Variants in LARGE1 observed in about 807,000 individuals in gnomAD.
LARGE1 encodes xylosyl- and glucuronyltransferase LARGE1.
Under a neutral mutation model 87.6 loss-of-function variants are expected in LARGE1, and 43 were observed. The ratio of observed to expected loss-of-function variants is 0.49; its 90% CI spans 0.38 to 0.63. LARGE1 has a LOEUF of 0.63. LARGE1 is among the 30% of genes least tolerant of loss of function. The probability of loss-of-function intolerance (pLI) is 0.00; values close to 1 mark genes in which losing one functional copy is unlikely to be tolerated. For synonymous variants in LARGE1, 434 were observed against 394.6 expected, an observed-to-expected ratio of 1.10 and a Z score of -1.18; for missense variants, 802 against 1,000.2, an observed-to-expected ratio of 0.80 and a Z score of 2.67.
chr22:33,600,745 C>T (rs559587242), intron 5 of LARGE1, among the ~76,000 whole-genome samples: 23 of 152,234 alleles, frequency 1.5e-4, no homozygotes, highest in Non-Finnish European at 2.5e-4. Flanking sequence ...AGATGTGACT[C>T]GGTTAAGAAC....
chr22:33,253,569 G>C (rs1443151205), intron 11 of LARGE1, among the ~76,000 whole-genome samples: 1 of 152,204 alleles, frequency 6.6e-6, no homozygotes, highest in Non-Finnish European at 1.5e-5. Flanking sequence ...AACATTAGCT[G>C]GGTGTGGTGG....
chr22:33,127,839 A>G, the LARGE1 span, among the ~76,000 whole-genome samples: 7 of 152,218 alleles, frequency 4.6e-5, no homozygotes, highest in South Asian at 2.1e-4. Context: ...TCCTAGAGTC[A>G]TAGAGTGAGA....
In LARGE1 at chr22:33,576,993, T is replaced by C. The variant is rs542292414; in HGVS notation, c.616-11974A>G. 3.9e-4 allele frequency among the ~76,000 whole-genome samples: 59 copies of C among 152,316 alleles called. 2 individuals are homozygous for C. The highest frequency in any genetic ancestry group is 2.9e-3 in the South Asian group (14 of 4,826). On this transcript the variant is annotated intron_variant, in intron 5 of 14. Coordinates refer to ENST00000397394, the MANE Select transcript of LARGE1 (RefSeq NM_133642.5). ...CCCAAGAATACAGAACCCACAGATA[T>C]AGATAGGTGACTATGTATGCGTGGT...
the LARGE1 span, among the ~76,000 whole-genome samples, chr22:33,124,228 G>A: frequency 2.6e-5 from 4 of 151,880 alleles, no homozygotes; most frequent in Non-Finnish European, 4.4e-5. Flanking sequence ...TCCAGGAGGC[G>A]GAGGTTGCAG....
At chr22:33,664,173 C>T (rs1422923936) in intron 2 of LARGE1, among the ~76,000 whole-genome samples, 6 of 152,198 alleles carry the variant, frequency 3.9e-5, no homozygotes, top group Admixed American at 2.6e-4. Flanking sequence ...GTGTATACAC[C>T]GTGGCCATTC....
the LARGE1 span, among the ~76,000 whole-genome samples, chr22:33,085,655 A>G: frequency 6.6e-6 from 1 of 152,228 alleles, no homozygotes; most frequent in Non-Finnish European, 1.5e-5. Context: ...GTCAATTACA[A>G]TCTTCTGCAT....
chr22:33,700,891 G>A (rs1603200657), intron 2 of LARGE1, among the ~76,000 whole-genome samples: 1 of 152,224 alleles, frequency 6.6e-6, no homozygotes, highest in African/African-American at 2.4e-5. Context: ...GAGACCTGGA[G>A]GGACAGGAGG....
intron 6 of LARGE1, among the ~76,000 whole-genome samples, chr22:33,443,086 C>T (rs1000599030): frequency 6.6e-5 from 10 of 152,148 alleles, no homozygotes; most frequent in African/African-American, 2.4e-4. Context: ...GCCACTGCAC[C>T]CAGCCATTGA....
At chr22:33,240,442 T>G (rs1162508601) in intron 11 of LARGE1, among the ~76,000 whole-genome samples, 3 of 152,214 alleles carry the variant, frequency 2.0e-5, no homozygotes, top group African/African-American at 7.2e-5. Flanking sequence ...CTACTTTCCT[T>G]GCTCCTTTGA....
At chr22:33,104,640 C>G in the LARGE1 span, among the ~76,000 whole-genome samples, 1 of 152,354 alleles carries the variant, frequency 6.6e-6, no homozygotes, top group Non-Finnish European at 1.5e-5. Context: ...CTGATCCCAT[C>G]TATCTTCCCT....
At chr22:33,124,973 TG>T in the LARGE1 span, among the ~76,000 whole-genome samples, 4 of 152,150 alleles carry the variant, frequency 2.6e-5, no homozygotes, top group Non-Finnish European at 4.4e-5. Context: ...TAACAACATA[TG>T]GGTGGTTTGC....
intron 6 of LARGE1, among the ~76,000 whole-genome samples, chr22:33,515,461 G>T (rs538948158): frequency 1.3e-5 from 2 of 152,288 alleles, no homozygotes; most frequent in South Asian, 4.1e-4. Context: ...GGGCCTGTTA[G>T]CGTACCTGAC....
chr22:33,189,258 T>C (rs1464430670), intron 11 of LARGE1, among the ~76,000 whole-genome samples: 1 of 152,174 alleles, frequency 6.6e-6, no homozygotes, highest in African/African-American at 2.4e-5. Context: ...ATGCATACAA[T>C]GCTGGCTTTG....
Position 33,650,591 on chromosome 22 carries a change from G to C in LARGE1, c.184C>G (p.Arg62Gly), listed in dbSNP as rs770461313. The C allele has an allele frequency of 1.2e-6, 2 of 1,605,192 alleles. No individual in the cohort carries two copies. Among genetic ancestry groups the C allele is most frequent in the Admixed American group, 1.7e-5 (1 of 60,008 alleles). Residue 62 changes from arginine to glycine, a missense_variant, in exon 3 of 15, where the codon CGC (arginine) becomes GGC (glycine). By Grantham distance (125) the Arg-to-Gly change is moderately radical. Coordinates refer to ENST00000397394, the MANE Select transcript of LARGE1 (RefSeq NM_133642.5). ...CGCATGCGCACCTCCAGGCTCTCGC[G>C]CTCCCGCTGGCTGGAGGCCGTGTAC... ...PRYTASSQRERESLEVRMREV... is the reference protein window; with the variant it reads ...PRYTASSQREGESLEVRMREV...
rs1186663464 is a variant in LARGE1 at position 33,878,129 on chromosome 22, CTTTTTT to C, written c.-83+41860_-83+41865del. On this transcript the variant is annotated intron_variant, in intron 1 of 14. Coordinates refer to ENST00000397394, the MANE Select transcript of LARGE1 (RefSeq NM_133642.5). ...TATGTATGTTGTTTATATTGTATTT[CTTTTTT>C]TTTTTTTTTTTTTTTTTTTAGAGAC... Among the ~76,000 whole-genome samples the C allele has an allele frequency of 5.6e-4, 25 of 44,654 alleles. 1 individual carries two copies. Among genetic ancestry groups the C allele is most frequent in the Admixed American group, 1.4e-3 (5 of 3,464 alleles). 29.3% of individuals were successfully genotyped at this position (44,654 alleles called of 152,430 possible).
intron 2 of LARGE1, chr22:33,723,997 T>C (rs1406716358): frequency 6.6e-6 from 1 of 152,550 alleles, no homozygotes; most frequent in Non-Finnish European, 1.5e-5. Context: ...TGAAGAAGGC[T>C]GCACAGCTTG....
intron 2 of LARGE1, among the ~76,000 whole-genome samples, chr22:33,699,964 A>G (rs563181836): frequency 1.6e-4 from 25 of 152,206 alleles, no homozygotes; most frequent in African/African-American, 5.5e-4. Flanking sequence ...TATTTTGTCT[A>G]TTTTCAAGAT....
At chr22:33,445,321 TAAAC>T (rs2067643135) in intron 6 of LARGE1, among the ~76,000 whole-genome samples, 1 of 152,194 alleles carries the variant, frequency 6.6e-6, no homozygotes, top group Non-Finnish European at 1.5e-5. Context: ...CGAGGTCCAC[TAAAC>T]AGTCACACCA....
chr22:33,422,444 G>A (rs563675256), intron 7 of LARGE1, among the ~76,000 whole-genome samples: 2 of 152,232 alleles, frequency 1.3e-5, no homozygotes, highest in African/African-American at 4.8e-5. Context: ...GGCAAAGGGG[G>A]AGCAGGTACC....
Sources: allele counts gnomAD v4.1 joint callset (sites outside exome capture counted in the v4.1 genomes callset), GRCh38; gene constraint gnomAD v4.1.1; transcripts MANE v1.5; gene names NCBI Gene and HGNC (gene_info 2026-07-23, HGNC 2026-07-21).